Variants in NRG3 observed in about 807,000 individuals in gnomAD.
The protein encoded by NRG3 is neuregulin 3.
Under a neutral mutation model 66.9 loss-of-function variants are expected in NRG3, and 31 were observed. The observed-to-expected ratio is 0.46, with a 90% confidence interval of 0.35 to 0.63. NRG3 has a LOEUF of 0.63. Ranked by LOEUF, NRG3 falls within the 20% of genes least tolerant of loss-of-function variation. The pLI is 0.00. For synonymous variants in NRG3, 393 were observed against 359.4 expected (o/e 1.09, Z -1.06); for missense variants, 910 against 878.9 (o/e 1.04, Z -0.45).
chr10:82,766,185 G>C (rs1181713554), intron 3 of NRG3, among the ~76,000 whole-genome samples: 1 of 152,138 alleles, frequency 6.6e-6, no homozygotes, highest in Non-Finnish European at 1.5e-5. Flanking sequence ...GATAGGGAAT[G>C]AACCATAATT....
chr10:82,215,929 A>C (rs903050871), intron 1 of NRG3, among the ~76,000 whole-genome samples: 4 of 149,916 alleles, frequency 2.7e-5, no homozygotes, highest in African/African-American at 9.9e-5. Context: ...TTGTCAGGAA[A>C]AATTCGTGGT....
intron 1 of NRG3, among the ~76,000 whole-genome samples, chr10:81,937,273 G>C (rs1564672808): frequency 6.6e-6 from 1 of 152,028 alleles, no homozygotes; most frequent in Non-Finnish European, 1.5e-5. Flanking sequence ...CCTGTTTTCA[G>C]TTCTTTTGAA....
intron 3 of NRG3, among the ~76,000 whole-genome samples, chr10:82,831,638 A>G (rs1001561375): frequency 6.6e-6 from 1 of 152,012 alleles, no homozygotes; most frequent in African/African-American, 2.4e-5. Flanking sequence ...AACAGGGTGA[A>G]ACCTGTCTCT....
intron 3 of NRG3, among the ~76,000 whole-genome samples, chr10:82,787,182 C>CG (rs1244866944): frequency 6.6e-6 from 1 of 152,188 alleles, no homozygotes; most frequent in Non-Finnish European, 1.5e-5. Flanking sequence ...CTCTCTCTTA[C>CG]ACTCAAAACT....
rs528425935 is a variant in NRG3, at chr10:82,400,614, C to T, written c.953+41746C>T. ...ACAGAGTCTTGCTCTGTTGCCCAGT[C>T]TGGAGTGCAGTGGTGTGATCATAAT... On this transcript the variant is annotated intron_variant, in intron 2 of 8. Coordinates refer to ENST00000372141, the MANE Select transcript of NRG3 (RefSeq NM_001010848.4). 6.7e-5 allele frequency among the ~76,000 whole-genome samples: 10 copies of T among 149,498 alleles called. No individual in the cohort carries two copies. In the South Asian group the frequency reaches 2.1e-3, roughly 32 times the overall value.
In NRG3 at chr10:82,245,978, G is replaced by GTTTTTTTTT. The variant is rs372596396; in HGVS notation, c.824-112746_824-112738dup. ...AGCCTGATTTTTTCCCAGTCTTCTG[G>GTTTTTTTTT]TTTTTTTTTTTTTTTTTTTTTTTAA... On this transcript the variant is annotated intron_variant, in intron 1 of 8. Transcript: ENST00000372141. Among the ~76,000 whole-genome samples the GTTTTTTTTT allele has an allele frequency of 3.6e-3, 375 of 103,232 alleles. 4 individuals carry two copies. The highest frequency in any genetic ancestry group is 0.013 in the African/African-American group (352 of 26,268). 67.7% of individuals were successfully genotyped at this position (103,232 alleles called of 152,430 possible).
chr10:82,041,038 A>G (rs569404816), intron 1 of NRG3, among the ~76,000 whole-genome samples: 3 of 152,244 alleles, frequency 2.0e-5, no homozygotes, highest in South Asian at 4.1e-4. Context: ...ACCAAATGCC[A>G]TGCATATTTC....
intron 1 of NRG3, among the ~76,000 whole-genome samples, chr10:82,287,966 T>C (rs2079518586): frequency 6.6e-6 from 1 of 152,186 alleles, no homozygotes. Flanking sequence ...CCTGGCTATA[T>C]TTAATTCACC....
intron 2 of NRG3, among the ~76,000 whole-genome samples, chr10:82,424,644 A>G (rs868055884): frequency 9.2e-5 from 14 of 152,152 alleles, no homozygotes; most frequent in Middle Eastern, 3.4e-3. Flanking sequence ...TAATTTTGAC[A>G]AAGTTAAATT....
At position 81,875,744 on chromosome 10, in the gene NRG3, C is replaced by G. The variant is rs1841557216; in HGVS notation, c.404C>G (p.Thr135Arg). The G allele has an allele frequency of 1.2e-6, 2 of 1,612,788 alleles. No individual in the cohort carries two copies. Among genetic ancestry groups the G allele is most frequent in the Non-Finnish European group, 1.7e-6 (2 of 1,179,802 alleles). Residue 135 changes from threonine (T) to arginine (R), a missense_variant, in exon 1 of 9, where the codon ACG (threonine) becomes AGG (arginine). Coordinates refer to ENST00000372141, the MANE Select transcript of NRG3 (RefSeq NM_001010848.4). The surrounding 1 kb of genome is among the most constrained non-coding windows in gnomAD (Gnocchi z 5.3). The stretch of plus-strand genomic sequence containing the variant: ...ACCACCACCACTACCACTTCCACCA[C>G]GTCCCCCGCCACCCCCTCCGCCGGG... ...METTTTTTST[T>R]SPATPSAGGA...
intron 1 of NRG3, among the ~76,000 whole-genome samples, chr10:82,308,574 G>C (rs1036493971): frequency 6.6e-5 from 10 of 152,082 alleles, no homozygotes; most frequent in African/African-American, 2.4e-4. Flanking sequence ...CATTGTTTGT[G>C]CTGCATCTTT....
At chr10:82,574,430 T>C (rs957035782) in intron 2 of NRG3, among the ~76,000 whole-genome samples, 4 of 151,716 alleles carry the variant, frequency 2.6e-5, no homozygotes, top group Non-Finnish European at 2.9e-5. Flanking sequence ...GGTACAAACA[T>C]ACAGTTAGAT....
At chr10:82,834,065 C>T (rs939270760) in intron 3 of NRG3, among the ~76,000 whole-genome samples, 4 of 152,064 alleles carry the variant, frequency 2.6e-5, no homozygotes, top group Non-Finnish European at 5.9e-5. Context: ...TGGTGGTTTT[C>T]CCATCCTGGG....
intron 2 of NRG3, among the ~76,000 whole-genome samples, chr10:82,421,502 C>CA (rs899264941): frequency 4.7e-5 from 7 of 150,274 alleles, no homozygotes; most frequent in African/African-American, 7.3e-5. Context: ...ACTCAGTTAC[C>CA]AAAAAAAAAG....
At chr10:82,429,818 T>C (rs10159637) in intron 2 of NRG3, among the ~76,000 whole-genome samples, 32,759 of 152,054 alleles carry the variant, frequency 0.22, 5,156 homozygotes, top group African/African-American at 0.44. Context: ...TCTTTATTTG[T>C]TTTTCTTTCT....
chr10:82,863,217 T>A (rs557043275), intron 3 of NRG3, among the ~76,000 whole-genome samples: 1 of 152,316 alleles, frequency 6.6e-6, no homozygotes, highest in Admixed American at 6.5e-5. Context: ...TGCATAGTAT[T>A]CTATGGTGTA....
intron 1 of NRG3, among the ~76,000 whole-genome samples, chr10:82,214,921 G>A (rs2075586822): frequency 6.6e-6 from 1 of 152,114 alleles, no homozygotes; most frequent in Admixed American, 6.6e-5. Flanking sequence ...TCCAGCTATG[G>A]CATCACTGAT....
Position 82,986,345 on chromosome 10 carries a change from C to G in NRG3, c.*740C>G, listed in dbSNP as rs988810814. On this transcript the variant is annotated 3_prime_UTR_variant, in exon 9 of 9. Coordinates refer to ENST00000372141, the MANE Select transcript of NRG3 (RefSeq NM_001010848.4). ...AGATTGTTTAGAGGCTCTGGAGGAG[C>G]GTTTCTCAGTTTTTGTGTGCCTGTG... 6.6e-6 allele frequency: 1 copy of G among 152,078 alleles called. No homozygotes were observed. The highest frequency in any genetic ancestry group is 2.4e-5 in the African/African-American group (1 of 41,394). The allele number at this position is 152,078 out of a possible 1,614,324, so 9.4% of individuals were successfully genotyped here.
At chr10:81,934,848 A>G (rs1174212442) in intron 1 of NRG3, among the ~76,000 whole-genome samples, 1 of 152,176 alleles carries the variant, frequency 6.6e-6, no homozygotes, top group African/African-American at 2.4e-5. Flanking sequence ...TACTATAGGT[A>G]ATGTTTTTGT....
Sources: allele counts gnomAD v4.1 joint callset (sites outside exome capture counted in the v4.1 genomes callset), GRCh38; gene constraint gnomAD v4.1.1; non-coding constraint Gnocchi (gnomAD v3.1); transcripts MANE v1.5; gene names NCBI Gene and HGNC (gene_info 2026-07-23, HGNC 2026-07-21).